SLX4IP: variants seen among roughly 807,000 people sequenced by gnomAD.
The protein encoded by SLX4IP is SLX4 interacting protein.
SLX4IP carries 34 observed loss-of-function variants against 32.9 expected under a neutral mutation model. That is an observed-to-expected ratio of 1.03 (90% CI 0.79 to 1.38). SLX4IP has a LOEUF of 1.38. Ranked by LOEUF, SLX4IP falls within the 40% of genes most tolerant of loss-of-function variation. The pLI is 0.00. For synonymous variants in SLX4IP, 172 were observed against 171.7 expected (o/e 1.00, Z -0.01); for missense variants, 444 against 479.0 (o/e 0.93, Z 0.68).
At chr20:10,529,314 C>G (rs185823595) in intron 2 of SLX4IP, among the ~76,000 whole-genome samples, 1 of 151,960 alleles carries the variant, frequency 6.6e-6, no homozygotes, top group Non-Finnish European at 1.5e-5. Context: ...CTGGACCAGG[C>G]GCGGTGGCTC....
At chr20:10,585,266 A>G (rs1186130980) in intron 4 of SLX4IP, among the ~76,000 whole-genome samples, 1 of 152,040 alleles carries the variant, frequency 6.6e-6, no homozygotes, top group Non-Finnish European at 1.5e-5. Context: ...ATTTTGTTCT[A>G]TTTCTGCTGT....
rs1200331248 is a variant in SLX4IP, at chr20:10,458,191, G to A, written c.-14G>A. The A allele has an allele frequency of 5.7e-6, 9 of 1,575,768 alleles. No individual in the cohort carries two copies. On this transcript the variant is annotated 5_prime_UTR_variant, in exon 2 of 8. Transcript: ENST00000334534. ...TTTCTTAAAGGTCTGTAGTTACTGT[G>A]GAATCAATAAGCCATGGCATCTAAG...
chr20:10,541,527 C>A (rs544477895), intron 2 of SLX4IP, among the ~76,000 whole-genome samples: 21 of 152,294 alleles, frequency 1.4e-4, no homozygotes, highest in East Asian at 3.9e-4. Context: ...GCTTATTAAC[C>A]AATTTAATTA....
At chr20:10,485,678 C>A (rs6104619) in intron 2 of SLX4IP, among the ~76,000 whole-genome samples, 1 of 151,658 alleles carries the variant, frequency 6.6e-6, no homozygotes, top group African/African-American at 2.4e-5. Context: ...TACTAATAGC[C>A]TAGTGTTGAC....
chr20:10,446,869 G>A (rs2065206727), intron 1 of SLX4IP, among the ~76,000 whole-genome samples: 1 of 149,234 alleles, frequency 6.7e-6, no homozygotes, highest in Non-Finnish European at 1.5e-5. Flanking sequence ...TCCTTTGTTA[G>A]ATATGGATTG....
At chr20:10,521,886 G>A (rs1210458280) in intron 2 of SLX4IP, among the ~76,000 whole-genome samples, 1 of 152,202 alleles carries the variant, frequency 6.6e-6, no homozygotes, top group Non-Finnish European at 1.5e-5. Flanking sequence ...GGCACACTGT[G>A]AGCCATAAGA....
intron 2 of SLX4IP, among the ~76,000 whole-genome samples, chr20:10,462,866 T>C (rs1022327208): frequency 1.3e-5 from 2 of 152,154 alleles, no homozygotes; most frequent in African/African-American, 4.8e-5. Flanking sequence ...ATAAGTTAAC[T>C]AAGGAAAGCA....
At chr20:10,599,831 G>T (rs2122547660) in intron 5 of SLX4IP, among the ~76,000 whole-genome samples, 1 of 152,254 alleles carries the variant, frequency 6.6e-6, no homozygotes, top group South Asian at 2.1e-4. Context: ...TATTAAAATA[G>T]TACAACTCTC....
At chr20:10,473,348 A>G (rs534020188) in intron 2 of SLX4IP, among the ~76,000 whole-genome samples, 10 of 152,290 alleles carry the variant, frequency 6.6e-5, no homozygotes, top group Admixed American at 1.3e-4. Context: ...TATTCCCTGG[A>G]CCAGCAGCAT....
chr20:10,528,915 A>G (rs1299655931), intron 2 of SLX4IP, among the ~76,000 whole-genome samples: 1 of 152,254 alleles, frequency 6.6e-6, no homozygotes, highest in East Asian at 1.9e-4. Context: ...AACACAGCCT[A>G]GCTCAAAGTT....
chr20:10,564,554 T>C (rs1446848122), intron 4 of SLX4IP, among the ~76,000 whole-genome samples: 1 of 152,228 alleles, frequency 6.6e-6, no homozygotes, highest in Non-Finnish European at 1.5e-5. Context: ...TAAGCTGAAG[T>C]CTCTAGGCTG....
At chr20:10,442,333 C>T (rs963410930) in intron 1 of SLX4IP, among the ~76,000 whole-genome samples, 4 of 152,116 alleles carry the variant, frequency 2.6e-5, no homozygotes, top group African/African-American at 9.7e-5. Context: ...TAATCTACTT[C>T]CATTCCCTTC....
chr20:10,612,368 C>T (rs2066976664), intron 6 of SLX4IP, among the ~76,000 whole-genome samples: 1 of 152,188 alleles, frequency 6.6e-6, no homozygotes, highest in East Asian at 1.9e-4. Context: ...CGTTTCACCT[C>T]TGTGCTGGGA....
At chr20:10,583,654 A>G (rs933830739) in intron 4 of SLX4IP, among the ~76,000 whole-genome samples, 2 of 152,102 alleles carry the variant, frequency 1.3e-5, no homozygotes, top group African/African-American at 4.8e-5. Flanking sequence ...ACTTTGTGGT[A>G]TGTGGGGTGT....
chr20:10,458,327 GCTT>G, intron 2 of SLX4IP, 96 bp downstream of exon 2: 1 of 1,275,248 alleles, frequency 7.8e-7, no homozygotes, highest in Non-Finnish European at 1.1e-6. Flanking sequence ...CTAACTTTCT[GCTT>G]TTTACACTTG....
intron 1 of SLX4IP, among the ~76,000 whole-genome samples, chr20:10,440,136 AT>A (rs577778324): frequency 7.0e-5 from 10 of 143,128 alleles, no homozygotes; most frequent in South Asian, 4.4e-4. Context: ...AAAAGATTGC[AT>A]TTTTTTTTTA....
chr20:10,490,499 T>C (rs984647753), intron 2 of SLX4IP, among the ~76,000 whole-genome samples: 1 of 152,180 alleles, frequency 6.6e-6, no homozygotes, highest in African/African-American at 2.4e-5. Flanking sequence ...CACAGTCTCA[T>C]AGAACCTTCT....
intron 2 of SLX4IP, among the ~76,000 whole-genome samples, chr20:10,504,100 G>T (rs531003497): frequency 3.3e-5 from 5 of 152,298 alleles, no homozygotes; most frequent in Admixed American, 6.5e-5. Context: ...CATGAAGAAA[G>T]CCTAGATATT....
intron 2 of SLX4IP, among the ~76,000 whole-genome samples, chr20:10,554,188 A>G (rs1336990490): frequency 6.6e-6 from 1 of 152,182 alleles, no homozygotes; most frequent in East Asian, 1.9e-4. Flanking sequence ...CTGTTTTAGA[A>G]TTATATATAG....
Sources: gnomAD v4.1 joint callset for allele counts (sites outside exome capture counted in the v4.1 genomes callset) on GRCh38, gnomAD v4.1.1 for gene constraint, MANE v1.5 for transcripts, NCBI Gene and HGNC (gene_info 2026-07-23, HGNC 2026-07-21) for gene names.